Variants in NFATC2 observed in about 807,000 individuals in gnomAD.
NFATC2 encodes the protein nuclear factor of activated T-cells, cytoplasmic 2.
NFATC2 carries 22 observed loss-of-function variants against 87.3 expected under a neutral mutation model. The observed-to-expected ratio is 0.25, with a 90% CI of 0.18 to 0.36. NFATC2 has a LOEUF of 0.36. Ranked by LOEUF, NFATC2 falls within the 10% of genes least tolerant of loss-of-function variation. The pLI is 1.00. For synonymous variants in NFATC2, 565 were observed against 542.2 expected (o/e 1.04, Z -0.58); for missense variants, 1,149 against 1,259.1 (o/e 0.91, Z 1.32).
At chr20:51,539,477 CTTTTT>C (rs1025966587) in intron 1 of NFATC2, among the ~76,000 whole-genome samples, 1 of 152,044 alleles carries the variant, frequency 6.6e-6, no homozygotes, top group Non-Finnish European at 1.5e-5. Context: ...TGTCCCTTCT[CTTTTT>C]TTGTCTGGTT....
chr20:51,503,477 C>T (rs924836979), intron 3 of NFATC2, among the ~76,000 whole-genome samples: 13 of 152,114 alleles, frequency 8.5e-5, no homozygotes, highest in African/African-American at 3.1e-4. Flanking sequence ...TCAGGTAGGT[C>T]CCATGACCAT....
chr20:51,534,726 T>TGGGC (rs2076691657), intron 1 of NFATC2, among the ~76,000 whole-genome samples: 1 of 152,100 alleles, frequency 6.6e-6, no homozygotes, highest in African/African-American at 2.4e-5. Flanking sequence ...ATACACACAC[T>TGGGC]CGAACATTTC....
At chr20:51,475,421 C>A (rs749738026) in intron 4 of NFATC2, 37 bp downstream of exon 4, 4 of 1,609,180 alleles carry the variant, frequency 2.5e-6, no homozygotes, top group South Asian at 1.1e-5. Context: ...GCTCGCTTCT[C>A]CATGAAGACC....
rs571102863 is a variant in NFATC2 at position 51,421,835 on chromosome 20, C to T, written c.2722+10232G>A. Reference sequence around the variant, plus strand: ...TGCAGCCCATGGAGCACCAGTTGGCCGCTCCTTTTCCAAGTGCTGAAGCAG... The same window carrying T: ...TGCAGCCCATGGAGCACCAGTTGGCTGCTCCTTTTCCAAGTGCTGAAGCAG... On this transcript the variant is annotated intron_variant, in intron 9 of 10. Transcript: ENST00000371564. Among the ~76,000 whole-genome samples, 62 of 152,146 alleles carry T rather than the reference C, an allele frequency of 4.1e-4. 1 individual carries two copies. In the South Asian group the frequency reaches 0.011, roughly 27 times the overall value.
rs1242255970 is a variant in NFATC2, at chr20:51,494,535, CAG to C, written c.1333-18877_1333-18876del. ...ACTACTACGTGCAGGTCTTTGTGCA[CAG>C]AGTCAGCATCCTACCCTTGCCCAGA... On this transcript the variant is annotated intron_variant, in intron 3 of 10. Transcript: ENST00000371564. 3.9e-5 allele frequency among the ~76,000 whole-genome samples: 6 copies of C among 152,256 alleles called. 1 individual carries two copies.
At chr20:51,467,151 A>G (rs528482322) in intron 5 of NFATC2, among the ~76,000 whole-genome samples, 28 of 152,270 alleles carry the variant, frequency 1.8e-4, no homozygotes, top group Admixed American at 5.2e-4. Flanking sequence ...ATATACACAA[A>G]TCTGACAAAG....
rs564311882 is a variant in NFATC2, at chr20:51,420,557, A to G, written c.2722+11510T>C. Among the ~76,000 whole-genome samples, 38 of 152,338 alleles carry G rather than the reference A, an allele frequency of 2.5e-4. No individual in the cohort carries two copies. In the South Asian group the frequency reaches 7.7e-3, roughly 31 times the overall value. ...AATAAATTGCAATATAATACTAATG[A>G]TGAAACCAAAAAAGGATCTTATTAT... On this transcript the variant is annotated intron_variant, in intron 9 of 10. Coordinates refer to ENST00000371564, the MANE Select transcript of NFATC2 (RefSeq NM_012340.5).
At chr20:51,488,751 T>C (rs983082347) in intron 3 of NFATC2, among the ~76,000 whole-genome samples, 6 of 152,164 alleles carry the variant, frequency 3.9e-5, no homozygotes, top group African/African-American at 1.4e-4. Flanking sequence ...GACCCCTGCA[T>C]CCAGCCTCTC....
intron 5 of NFATC2, among the ~76,000 whole-genome samples, chr20:51,468,568 G>A (rs1310745642): frequency 6.6e-6 from 1 of 152,228 alleles, no homozygotes; most frequent in Non-Finnish European, 1.5e-5. Flanking sequence ...GAGCTACCTG[G>A]AGACATGGCT....
chr20:51,502,674 C>T (rs1040376474), intron 3 of NFATC2, among the ~76,000 whole-genome samples: 1 of 152,020 alleles, frequency 6.6e-6, no homozygotes, highest in African/African-American at 2.4e-5. Context: ...GAAGGAGAGA[C>T]GGATAGATAC....
At chr20:51,475,806 T>C (rs1432350339) in intron 3 of NFATC2, 146 bp from the exon 4 acceptor site, 5 of 776,228 alleles carry the variant, frequency 6.4e-6, no homozygotes, top group South Asian at 1.9e-5. Context: ...GGAAACAACC[T>C]TGATGTCCAG....
rs1986292119 is a variant in NFATC2, at chr20:51,391,316, TGAAA to T, written c.*176_*179del. ...TGGACTCCGGGCTGGGAGATGAACA[TGAAA>T]GGAGACAGAAGGTGAGGGGCTGTGG... On this transcript the variant is annotated 3_prime_UTR_variant, in exon 11 of 11. Transcript: ENST00000371564. 2.7e-6 allele frequency: 4 copies of T among 1,455,954 alleles called. No individual in the cohort carries two copies. Among genetic ancestry groups the T allele is most frequent in the Admixed American group, 3.3e-5 (2 of 59,728 alleles). The allele number at this position is 1,455,954 out of a possible 1,614,324, so 90.2% of individuals were successfully genotyped here.
At chr20:51,444,629 C>A (rs1050144816) in intron 6 of NFATC2, among the ~76,000 whole-genome samples, 2 of 152,116 alleles carry the variant, frequency 1.3e-5, no homozygotes, top group African/African-American at 2.4e-5. Flanking sequence ...GGGCTCGAGG[C>A]GAATGGGGAG....
chr20:51,411,441 T>TAC (rs763979824), intron 9 of NFATC2, among the ~76,000 whole-genome samples: 1 of 149,306 alleles, frequency 6.7e-6, no homozygotes, highest in Non-Finnish European at 1.5e-5. Flanking sequence ...CACACACCCA[T>TAC]ACACACACAC....
At chr20:51,392,900 G>T (rs1348203887) in intron 10 of NFATC2, among the ~76,000 whole-genome samples, 2 of 152,194 alleles carry the variant, frequency 1.3e-5, no homozygotes, top group Non-Finnish European at 2.9e-5. Context: ...AATGAACCGG[G>T]TTTGATTCTC....
At chr20:51,548,559 TAGA>T (rs1419273848) in intron 1 of NFATC2, among the ~76,000 whole-genome samples, 5 of 150,198 alleles carry the variant, frequency 3.3e-5, no homozygotes, top group Admixed American at 1.3e-4. Context: ...CTTTTCTTAG[TAGA>T]AGAAGTATGT....
At chr20:51,497,262 A>C (rs1434277099) in intron 3 of NFATC2, among the ~76,000 whole-genome samples, 1 of 152,210 alleles carries the variant, frequency 6.6e-6, no homozygotes, top group African/African-American at 2.4e-5. Flanking sequence ...CTTCGGGTCC[A>C]AAGTCAAGGT....
chr20:51,515,684 T>TA (rs1337853609), intron 3 of NFATC2, among the ~76,000 whole-genome samples: 6 of 116,052 alleles, frequency 5.2e-5, no homozygotes, highest in Non-Finnish European at 1.2e-4. Flanking sequence ...GGTGTCTGAT[T>TA]TAAAAAAAAA....
chr20:51,550,679 T>C (rs2076925764), intron 1 of NFATC2, among the ~76,000 whole-genome samples: 1 of 152,172 alleles, frequency 6.6e-6, no homozygotes, highest in African/African-American at 2.4e-5. Flanking sequence ...CTAGCCTACC[T>C]TAAACATGCT....
Sources: allele counts gnomAD v4.1 joint callset (sites outside exome capture counted in the v4.1 genomes callset), GRCh38; gene constraint gnomAD v4.1.1; transcripts MANE v1.5; gene names NCBI Gene and HGNC (gene_info 2026-07-23, HGNC 2026-07-21).